The following LRMDA variants were observed in gnomAD, a reference collection of about 807,000 sequenced individuals.
LRMDA encodes leucine-rich melanocyte differentiation-associated protein.
LRMDA carries 18 observed loss-of-function variants against 29.8 expected under a neutral mutation model. The ratio of observed to expected loss-of-function variants is 0.60; its 90% CI spans 0.42 to 0.90. The LOEUF (loss-of-function observed/expected upper bound fraction) is 0.90. Among genes scored for constraint, LRMDA ranks in the 40% least tolerant of loss-of-function variants. LRMDA has a pLI of 0.00. For synonymous variants in LRMDA, 125 were observed against 109.4 expected (o/e 1.14, Z -0.89); for missense variants, 273 against 273.9 (o/e 1.00, Z 0.02).
At chr10:75,692,564 C>CGTGTGTGTGTGTGTGT (rs10553888) in intron 2 of LRMDA, among the ~76,000 whole-genome samples, 1 of 140,180 alleles carries the variant, frequency 7.1e-6, no homozygotes, top group Non-Finnish European at 1.6e-5. Context: ...CATATGTATA[C>CGTGTGTGTGTGTGTGT]GTGTGTGTGT....
At chr10:75,732,650 T>A (rs1051825067) in intron 2 of LRMDA, among the ~76,000 whole-genome samples, 10 of 152,284 alleles carry the variant, frequency 6.6e-5, no homozygotes, top group African/African-American at 2.4e-4. Context: ...CACATGTGTG[T>A]GGATGGGAAA....
chr10:75,777,273 C>G (rs1316576473), intron 2 of LRMDA, among the ~76,000 whole-genome samples: 2 of 152,212 alleles, frequency 1.3e-5, no homozygotes, highest in Admixed American at 1.3e-4. Context: ...GAACCTCCCC[C>G]AGCCCCTTCC....
intron 2 of LRMDA, among the ~76,000 whole-genome samples, chr10:75,801,754 G>A (rs1020923614): frequency 6.6e-6 from 1 of 152,158 alleles, no homozygotes; most frequent in Non-Finnish European, 1.5e-5. Flanking sequence ...TGAGAGATAA[G>A]GAGCTGTCGA....
At chr10:76,026,071 A>G (rs1033331319) in intron 2 of LRMDA, among the ~76,000 whole-genome samples, 15 of 152,202 alleles carry the variant, frequency 9.9e-5, no homozygotes, top group Admixed American at 9.2e-4. Flanking sequence ...TTAACTTCAA[A>G]GGAAAAAAAA....
chr10:76,461,794 G>GC (rs1842514590), intron 6 of LRMDA, among the ~76,000 whole-genome samples: 1 of 152,062 alleles, frequency 6.6e-6, no homozygotes. Context: ...GTGGACTCAG[G>GC]CCGGGTACAG....
chr10:76,503,493 A>G (rs979288515), intron 6 of LRMDA, among the ~76,000 whole-genome samples: 3 of 147,804 alleles, frequency 2.0e-5, no homozygotes, highest in African/African-American at 7.4e-5. Flanking sequence ...TCAATTGTTG[A>G]TTCAATTTTG....
chr10:75,511,690 A>G (rs1212918711), intron 2 of LRMDA, among the ~76,000 whole-genome samples: 1 of 152,222 alleles, frequency 6.6e-6, no homozygotes, highest in African/African-American at 2.4e-5. Flanking sequence ...CAGTTGAACC[A>G]GGAATCAGAG....
chr10:75,646,273 C>A (rs1387861965), intron 2 of LRMDA, among the ~76,000 whole-genome samples: 1 of 152,124 alleles, frequency 6.6e-6, no homozygotes, highest in Admixed American at 6.6e-5. Context: ...AATGCCTTGG[C>A]ACAGAGAGAC....
intron 2 of LRMDA, among the ~76,000 whole-genome samples, chr10:75,733,306 AT>A (rs1285386656): frequency 6.6e-6 from 1 of 152,116 alleles, no homozygotes; most frequent in Non-Finnish European, 1.5e-5. Flanking sequence ...TTCTGAATTG[AT>A]TCCTGTGTTT....
chr10:75,970,380 G>A (rs1266336637), intron 2 of LRMDA, among the ~76,000 whole-genome samples: 1 of 152,228 alleles, frequency 6.6e-6, no homozygotes, highest in Non-Finnish European at 1.5e-5. Flanking sequence ...GGGACTCTGA[G>A]CCCTTTACCT....
At chr10:75,955,045 T>G (rs1020277378) in intron 2 of LRMDA, among the ~76,000 whole-genome samples, 1 of 152,246 alleles carries the variant, frequency 6.6e-6, no homozygotes. Context: ...ATTGCTTTGT[T>G]TTTCTCAGTG....
chr10:76,386,649 A>AG (rs1280688306), intron 6 of LRMDA, among the ~76,000 whole-genome samples: 2 of 152,234 alleles, frequency 1.3e-5, no homozygotes, highest in African/African-American at 4.8e-5. Flanking sequence ...AACTGTGAAT[A>AG]GGGCCAATGT....
chr10:76,179,841 G>A lies in LRMDA; in HGVS notation c.516+121058G>A, dbSNP rs144490715. ...GACATGTTCAAAGAGGTTTCTACAT[G>A]GGGAATCTCCTTTTCAAAGCTAAAG... On this transcript the variant is annotated intron_variant, in intron 5 of 6. Transcript: ENST00000611255. 3.3e-5 allele frequency among the ~76,000 whole-genome samples: 5 copies of A among 152,268 alleles called. No homozygotes were observed. In the East Asian group the frequency reaches 9.7e-4, roughly 29 times the overall value.
chr10:76,053,400 C>T (rs148690281), intron 4 of LRMDA, among the ~76,000 whole-genome samples: 1 of 152,112 alleles, frequency 6.6e-6, no homozygotes, highest in African/African-American at 2.4e-5. Context: ...AGTAATACAT[C>T]ACAGTAAAGA....
At chr10:75,466,345 T>C (rs942697230) in intron 2 of LRMDA, among the ~76,000 whole-genome samples, 2 of 152,132 alleles carry the variant, frequency 1.3e-5, no homozygotes, top group African/African-American at 4.8e-5. Context: ...TCTTTGGTTT[T>C]TCCTGGGTCT....
intron 2 of LRMDA, among the ~76,000 whole-genome samples, chr10:75,814,458 G>A (rs148168825): frequency 2.8e-4 from 42 of 152,244 alleles, no homozygotes; most frequent in African/African-American, 9.6e-4. Context: ...TCTCCTAAAG[G>A]GGGAAATAAT....
At chr10:76,033,962 G>GA (rs1322892203) in intron 2 of LRMDA, among the ~76,000 whole-genome samples, 1 of 151,348 alleles carries the variant, frequency 6.6e-6, no homozygotes, top group African/African-American at 2.4e-5. Flanking sequence ...ACAAAACAGT[G>GA]AATAAAAGGA....
intron 6 of LRMDA, among the ~76,000 whole-genome samples, chr10:76,473,277 C>T (rs1842635878): frequency 6.6e-6 from 1 of 151,086 alleles, no homozygotes; most frequent in Non-Finnish European, 1.5e-5. Context: ...ATCTCCACAC[C>T]ATTAAAAAAA....
At chr10:76,151,678 G>A (rs1374004481) in intron 5 of LRMDA, among the ~76,000 whole-genome samples, 1 of 152,132 alleles carries the variant, frequency 6.6e-6, no homozygotes, top group African/African-American at 2.4e-5. Context: ...TTTTGTTGTT[G>A]TTGTAAATTT....
Sources: gnomAD v4.1 joint callset for allele counts (sites outside exome capture counted in the v4.1 genomes callset) on GRCh38, gnomAD v4.1.1 for gene constraint, MANE v1.5 for transcripts, NCBI Gene and HGNC (gene_info 2026-07-23, HGNC 2026-07-21) for gene names.